Variants in APBA1 observed in about 807,000 individuals in gnomAD.
APBA1 encodes amyloid-beta A4 precursor protein-binding family A member 1.
APBA1 carries 55 observed loss-of-function variants against 86.6 expected under a neutral mutation model. The ratio of observed to expected loss-of-function variants is 0.64; its 90% CI spans 0.51 to 0.80. The LOEUF (loss-of-function observed/expected upper bound fraction) is 0.80, where lower values mean the gene tolerates loss of function less well. Among genes scored for constraint, APBA1 ranks in the 30% least tolerant of loss-of-function variants. The pLI, the probability that APBA1 is intolerant of heterozygous loss-of-function variation, is 0.00. For missense variants in APBA1, 1,090 were observed against 1,183.0 expected (o/e 0.92, Z 1.15); for synonymous variants, 511 against 493.9 (o/e 1.03, Z -0.46).
chr9:69,431,457 A>C (rs1228840236), intron 12 of APBA1, 59 bp from the exon 13 acceptor site: 1 of 1,487,282 alleles, frequency 6.7e-7, no homozygotes, highest in Non-Finnish European at 9.3e-7. Flanking sequence ...CTGCGTGGGC[A>C]CTGCCCAGGG....
chr9:69,573,768 A>AG (rs1164511598), intron 1 of APBA1, among the ~76,000 whole-genome samples: 3 of 152,158 alleles, frequency 2.0e-5, no homozygotes, highest in African/African-American at 7.2e-5. Context: ...TTACTCTTGG[A>AG]GGGGCCTCTG....
chr9:69,602,048 A>T (rs919858904), intron 1 of APBA1, among the ~76,000 whole-genome samples: 1 of 152,226 alleles, frequency 6.6e-6, no homozygotes, highest in African/African-American at 2.4e-5. Context: ...ATACATTCAA[A>T]AGATATATTT....
intron 10 of APBA1, among the ~76,000 whole-genome samples, chr9:69,443,003 T>C (rs1270597203): frequency 6.6e-6 from 1 of 152,186 alleles, no homozygotes; most frequent in Non-Finnish European, 1.5e-5. Context: ...AAATGACCTA[T>C]ACCCCTTTTG....
intron 2 of APBA1, among the ~76,000 whole-genome samples, chr9:69,512,399 G>C (rs536668576): frequency 3.7e-4 from 57 of 152,194 alleles, no homozygotes; most frequent in Non-Finnish European, 6.8e-4. Context: ...ATTAAAAGTA[G>C]TGTTAAAAAC....
chr9:69,469,991 A>G (rs1011021201), intron 4 of APBA1, among the ~76,000 whole-genome samples: 2 of 152,218 alleles, frequency 1.3e-5, no homozygotes, highest in African/African-American at 4.8e-5. Flanking sequence ...GGCGCTATTC[A>G]CTGAGAAGGT....
intron 1 of APBA1, among the ~76,000 whole-genome samples, chr9:69,552,522 C>T (rs768593445): frequency 4.6e-5 from 7 of 152,158 alleles, no homozygotes; most frequent in Non-Finnish European, 8.8e-5. Flanking sequence ...AATTTACAAC[C>T]CAATTTGTTC....
intron 4 of APBA1, 55 bp downstream of exon 4, chr9:69,471,601 A>G (rs1835367497): frequency 4.2e-6 from 6 of 1,445,692 alleles, no homozygotes; most frequent in Non-Finnish European, 4.9e-6. Context: ...ATATGCCCCA[A>G]TGCTAAAAGA....
At chr9:69,621,253 CTCCACAGG>C (rs1282344775) in intron 1 of APBA1, among the ~76,000 whole-genome samples, 1 of 152,190 alleles carries the variant, frequency 6.6e-6, no homozygotes, top group Non-Finnish European at 1.5e-5. Flanking sequence ...AAAGTGCTAG[CTCCACAGG>C]TATCACTTCA....
intron 1 of APBA1, among the ~76,000 whole-genome samples, chr9:69,667,369 T>C (rs1373452962): frequency 6.6e-6 from 1 of 152,086 alleles, no homozygotes; most frequent in African/African-American, 2.4e-5. Flanking sequence ...GAGGTCCTCA[T>C]GGTTGGGTAA....
chr9:69,467,422 G>A (rs1835296677), intron 5 of APBA1, among the ~76,000 whole-genome samples: 1 of 152,178 alleles, frequency 6.6e-6, no homozygotes. Flanking sequence ...TGGTTCAAAA[G>A]CAATGCCACC....
At position 69,517,014 on chromosome 9, in the gene APBA1, TG is replaced by T. The variant is rs1381579810; in HGVS notation, c.196del (p.Gln66ArgfsTer31). ...ALEDLRAQLG[Q>X]EEEERGECLA... ...GCATTCCCCGCGCTCCTCTTCCTCC[TG>T]GCCGAGCTGGGCGCGGAGGTCCTCG... On this transcript the variant is annotated frameshift_variant, in exon 2 of 13. Coordinates refer to ENST00000265381, the MANE Select transcript of APBA1 (RefSeq NM_001163.4). LOFTEE classifies it high-confidence loss of function. 6 of 1,577,962 alleles carry T rather than the reference TG, an allele frequency of 3.8e-6. No individual in the cohort carries two copies. Among genetic ancestry groups the T allele is most frequent in the Non-Finnish European group, 5.1e-6 (6 of 1,168,696 alleles).
At chr9:69,493,950 T>C (rs1041856315) in intron 2 of APBA1, among the ~76,000 whole-genome samples, 5 of 152,126 alleles carry the variant, frequency 3.3e-5, no homozygotes, top group Admixed American at 1.3e-4. Flanking sequence ...ACATTAGAAT[T>C]GTTTTTAAAA....
intron 2 of APBA1, among the ~76,000 whole-genome samples, chr9:69,484,784 A>G (rs1474946008): frequency 6.6e-6 from 1 of 151,896 alleles, no homozygotes; most frequent in Admixed American, 6.6e-5. Flanking sequence ...TAGGCACTCA[A>G]TAAATGTTTA....
intron 1 of APBA1, among the ~76,000 whole-genome samples, chr9:69,613,848 C>T (rs1822642435): frequency 6.6e-6 from 1 of 152,220 alleles, no homozygotes; most frequent in Admixed American, 6.5e-5. Flanking sequence ...TGGACACACA[C>T]TCTTCCTGTG....
Position 69,516,863 on chromosome 9 carries a change from G to A in APBA1, c.348C>T (p.Ser116=). The part of the protein sequence containing the change: ...AERAQDPEDE[S]AYAVQYRPEA... ...CGGGCCGGTACTGCACAGCATAGGC[G>A]CTCTCGTCCTCGGGGTCCTGCGCGC... Residue 116 remains serine, a synonymous_variant, in exon 2 of 13, where the codon AGC becomes AGT. Coordinates refer to ENST00000265381, the MANE Select transcript of APBA1 (RefSeq NM_001163.4). This position sits in a 1 kb window ranked among gnomAD's most constrained non-coding sequence, Gnocchi z 7.3. The A allele has an allele frequency of 6.3e-7, 1 of 1,598,656 alleles. No homozygotes were observed.
At chr9:69,472,051 A>T (rs1254597774) in intron 3 of APBA1, among the ~76,000 whole-genome samples, 1 of 152,220 alleles carries the variant, frequency 6.6e-6, no homozygotes, top group Non-Finnish European at 1.5e-5. Flanking sequence ...GATTAGTGAA[A>T]GCACCAATGC....
At chr9:69,611,276 C>T (rs1441508849) in intron 1 of APBA1, among the ~76,000 whole-genome samples, 1 of 119,332 alleles carries the variant, frequency 8.4e-6, no homozygotes, top group Non-Finnish European at 1.7e-5. Flanking sequence ...CATGCAGGGA[C>T]CAGAAAAGGA....
chr9:69,566,713 G>T (rs1837032300), intron 1 of APBA1, among the ~76,000 whole-genome samples: 1 of 152,030 alleles, frequency 6.6e-6, no homozygotes, highest in South Asian at 2.1e-4. Context: ...CTTTGCACCT[G>T]CGGCCCTCTC....
chr9:69,483,718 G>T (rs1383673831), intron 2 of APBA1, among the ~76,000 whole-genome samples: 1 of 152,056 alleles, frequency 6.6e-6, no homozygotes, highest in Non-Finnish European at 1.5e-5. Flanking sequence ...AGGCAGGGAG[G>T]TCAGGACAAC....
Sources: gnomAD v4.1 joint callset for allele counts (sites outside exome capture counted in the v4.1 genomes callset) on GRCh38, gnomAD v4.1.1 for gene constraint, Gnocchi (gnomAD v3.1) non-coding constraint, MANE v1.5 for transcripts, NCBI Gene and HGNC (gene_info 2026-07-23, HGNC 2026-07-21) for gene names.